Variants in COX10 observed in about 807,000 individuals in gnomAD.
The protein encoded by COX10 is protoheme IX farnesyltransferase, mitochondrial.
Under a neutral mutation model 37.3 loss-of-function variants are expected in COX10, and 27 were observed. That is an observed-to-expected ratio of 0.72 (90% CI 0.53 to 1.00). The LOEUF is 1.00. COX10 is among the 50% of genes least tolerant of loss of function. The pLI, the probability that COX10 is intolerant of heterozygous loss-of-function variation, is 0.00. For missense variants in COX10, 475 were observed against 563.2 expected (o/e 0.84, Z 1.59); for synonymous variants, 222 against 229.1 (o/e 0.97, Z 0.28).
intron 4 of COX10, among the ~76,000 whole-genome samples, chr17:14,119,255 G>A (rs1413195947): frequency 6.6e-6 from 1 of 152,094 alleles, no homozygotes; most frequent in Admixed American, 6.6e-5. Context: ...CCTACCTAAT[G>A]TTTATGGAGA....
chr17:14,095,973 G>A (rs772903635), intron 3 of COX10, among the ~76,000 whole-genome samples: 9 of 152,134 alleles, frequency 5.9e-5, no homozygotes, highest in Non-Finnish European at 1.2e-4. Context: ...TAAAGAAAAG[G>A]CATTTATTTC....
intron 4 of COX10, among the ~76,000 whole-genome samples, chr17:14,139,252 T>C (rs1904472520): frequency 6.6e-6 from 1 of 152,178 alleles, no homozygotes; most frequent in Non-Finnish European, 1.5e-5. Flanking sequence ...ATGTCTGTTA[T>C]AGTCATCCAG....
chr17:14,129,556 A>G (rs996205423), intron 4 of COX10, among the ~76,000 whole-genome samples: 2 of 152,134 alleles, frequency 1.3e-5, no homozygotes, highest in Admixed American at 1.3e-4. Context: ...ATTTTTATTT[A>G]GGCTTATATG....
intron 4 of COX10, among the ~76,000 whole-genome samples, chr17:14,153,595 T>C (rs1567603104): frequency 1.3e-5 from 2 of 152,216 alleles, no homozygotes; most frequent in Non-Finnish European, 2.9e-5. Flanking sequence ...TGGCAAACAC[T>C]TTGTCCTTAC....
At chr17:14,172,730 G>A (rs1247383899) in intron 5 of COX10, among the ~76,000 whole-genome samples, 5 of 151,584 alleles carry the variant, frequency 3.3e-5, no homozygotes, top group Admixed American at 6.6e-5. Context: ...GGTGCCAGTC[G>A]CTGGGCCTAG....
intron 5 of COX10, among the ~76,000 whole-genome samples, chr17:14,184,218 G>A (rs1026463791): frequency 6.6e-5 from 10 of 152,016 alleles, no homozygotes; most frequent in African/African-American, 2.4e-4. Context: ...TTTCAGTCTT[G>A]CCATTGAAAG....
At chr17:14,132,724 A>G (rs1327824928) in intron 4 of COX10, among the ~76,000 whole-genome samples, 1 of 151,714 alleles carries the variant, frequency 6.6e-6, no homozygotes, top group African/African-American at 2.4e-5. Flanking sequence ...TGTTTGTAGC[A>G]TTATGAAATG....
chr17:14,088,441 G>C (rs947656614), intron 3 of COX10, among the ~76,000 whole-genome samples: 1 of 148,200 alleles, frequency 6.7e-6, no homozygotes, highest in African/African-American at 2.5e-5. Flanking sequence ...AATTTAGACA[G>C]AAAAAAAAAA....
At chr17:14,099,707 C>G (rs1915733378) in intron 3 of COX10, among the ~76,000 whole-genome samples, 1 of 152,130 alleles carries the variant, frequency 6.6e-6, no homozygotes, top group African/African-American at 2.4e-5. Context: ...GCCCCTTGAT[C>G]TCATGCATTC....
intron 5 of COX10, among the ~76,000 whole-genome samples, chr17:14,181,464 G>A (rs1217007629): frequency 2.0e-5 from 3 of 151,512 alleles, no homozygotes; most frequent in African/African-American, 7.3e-5. Context: ...GCACGTGCAC[G>A]CAGCTGCCAG....
chr17:14,165,413 T>G (rs1905259297), intron 5 of COX10, among the ~76,000 whole-genome samples: 1 of 152,214 alleles, frequency 6.6e-6, no homozygotes, highest in Admixed American at 6.5e-5. Context: ...TGATCAGTGA[T>G]GTTTGATGTT....
At chr17:14,123,168 A>G (rs920018547) in intron 4 of COX10, among the ~76,000 whole-genome samples, 1 of 152,188 alleles carries the variant, frequency 6.6e-6, no homozygotes. Context: ...AGAGTAGGAA[A>G]CTGAGGCCCA....
At chr17:14,102,293 T>A (rs768913663) in intron 4 of COX10, 51 bp downstream of exon 4, 14 of 1,609,570 alleles carry the variant, frequency 8.7e-6, no homozygotes, top group Non-Finnish European at 1.1e-5. Flanking sequence ...TTTTCCTAGA[T>A]GGCTGTATTG....
At chr17:14,200,592 T>C (rs563764426) in intron 6 of COX10, among the ~76,000 whole-genome samples, 28 of 152,152 alleles carry the variant, frequency 1.8e-4, no homozygotes, top group African/African-American at 6.7e-4. Context: ...TTCTATGGAG[T>C]TGCCTTTGCA....
At chr17:14,134,107 A>G (rs1384383759) in intron 4 of COX10, among the ~76,000 whole-genome samples, 1 of 151,700 alleles carries the variant, frequency 6.6e-6, no homozygotes, top group Non-Finnish European at 1.5e-5. Context: ...CTTATACTTT[A>G]AAGGCTTCAT....
At chr17:14,122,655 C>T (rs1916256265) in intron 4 of COX10, among the ~76,000 whole-genome samples, 1 of 152,098 alleles carries the variant, frequency 6.6e-6, no homozygotes. Context: ...GTAAGAAGTC[C>T]TGGCAGTTGG....
At chr17:14,182,432 A>C (rs1905896668) in intron 5 of COX10, 1 of 682,340 alleles carries the variant, frequency 1.5e-6, no homozygotes, top group Non-Finnish European at 1.8e-6. Flanking sequence ...CTTTTAAAAT[A>C]GGTTTTGTTT....
intron 5 of COX10, among the ~76,000 whole-genome samples, chr17:14,175,092 G>GGGA (rs1567608080): frequency 1.4e-5 from 1 of 69,938 alleles, no homozygotes; most frequent in Non-Finnish European, 3.6e-5. Context: ...GCGGGGGGGG[G>GGGA]GGGGGTGGAT....
intron 4 of COX10, among the ~76,000 whole-genome samples, chr17:14,144,942 C>T (rs1904665644): frequency 6.6e-6 from 1 of 151,924 alleles, no homozygotes; most frequent in Non-Finnish European, 1.5e-5. Flanking sequence ...GGGAATAATA[C>T]AGTTAGAAGA....
Sources: allele counts gnomAD v4.1 joint callset (sites outside exome capture counted in the v4.1 genomes callset), GRCh38; gene constraint gnomAD v4.1.1; transcripts MANE v1.5; gene names NCBI Gene and HGNC (gene_info 2026-07-23, HGNC 2026-07-21).